The following ZNF746 variants were observed in gnomAD, a reference collection of about 807,000 sequenced individuals.
The protein encoded by ZNF746 is zinc finger protein 746.
In ZNF746, 13 loss-of-function variants were observed where a neutral mutation model predicts 41.0. The ratio of observed to expected loss-of-function variants is 0.32; its 90% CI spans 0.21 to 0.50. ZNF746 has a LOEUF of 0.50. Among genes scored for constraint, ZNF746 ranks in the 20% least tolerant of loss-of-function variants. The pLI is 0.98. For synonymous variants in ZNF746, 424 were observed against 396.2 expected (o/e 1.07, Z -0.83); for missense variants, 811 against 922.9 (o/e 0.88, Z 1.57).
rs775383459 is a variant in ZNF746 at position 149,477,098 on chromosome 7, A to G, written c.758-51T>C. 1.2e-4 allele frequency: 186 copies of G among 1,563,268 alleles called. 1 individual carries two copies. The South Asian group carries it at 2.1e-3, about 18-fold the overall frequency. ...GTGGGTTAGGGGACGGACGGGGAGG[A>G]CAGAAGACTGTTGGGGAGGAGAGCA... On this transcript the variant is annotated intron_variant, in intron 5 of 6. Transcript: ENST00000458143.
Position 149,497,480 on chromosome 7 carries a change from C to A in ZNF746, c.24+33G>T. ...GGCCGGGCCGCCTGGGGCCCCCAGG[C>A]CGCGAGTCCCTGCGCGCGCGGGTCG... On this transcript the variant is annotated intron_variant, in intron 1 of 6. Coordinates refer to ENST00000458143, the MANE Select transcript of ZNF746 (RefSeq NM_001394198.1). This position sits in a 1 kb window ranked among gnomAD's most constrained non-coding sequence, Gnocchi z 4.2. 1 of 1,089,686 alleles carries A rather than the reference C, an allele frequency of 9.2e-7. No individual in the cohort carries two copies. Among genetic ancestry groups the A allele is most frequent in the Non-Finnish European group, 1.1e-6 (1 of 901,834 alleles). 67.5% of individuals were successfully genotyped at this position (1,089,686 alleles called of 1,614,324 possible).
chr7:149,497,197 G>A lies in ZNF746; in HGVS notation c.24+316C>T, dbSNP rs1026524382. The A allele has an allele frequency of 9.1e-6, 9 of 984,596 alleles. No individual in the cohort carries two copies. Among genetic ancestry groups the A allele is most frequent in the African/African-American group, 7.0e-5 (4 of 57,196 alleles). The allele number at this position is 984,596 out of a possible 1,614,324, so 61.0% of individuals were successfully genotyped here. On this transcript the variant is annotated intron_variant, in intron 1 of 6. Transcript: ENST00000458143. The surrounding 1 kb of genome is among the most constrained non-coding windows in gnomAD (Gnocchi z 4.2). ...CCAGGCAGAGAAAGGAGCCGCGGGT[G>A]GGGGGGCACCCAGAAGGAGGGGACA...
rs1434889915 is a variant in ZNF746, at chr7:149,497,612, C to T, written c.-76G>A. 5.0e-6 allele frequency: 5 copies of T among 1,003,938 alleles called. No homozygotes were observed. Among genetic ancestry groups the T allele is most frequent in the East Asian group, 9.5e-5 (1 of 10,530 alleles). 62.2% of individuals were successfully genotyped at this position (1,003,938 alleles called of 1,614,324 possible). ...GCGCGCGGCACCACGCAGGCCCGGCCGCCCGGTGCTCTCCGCAGGCGGCGC... is the reference window on the plus strand; with the variant it reads ...GCGCGCGGCACCACGCAGGCCCGGCTGCCCGGTGCTCTCCGCAGGCGGCGC... On this transcript the variant is annotated 5_prime_UTR_variant, in exon 1 of 7. Coordinates refer to ENST00000458143, the MANE Select transcript of ZNF746 (RefSeq NM_001394198.1). This position sits in a 1 kb window ranked among gnomAD's most constrained non-coding sequence, Gnocchi z 4.2.
At chr7:149,486,381 T>C (rs114166833) in intron 4 of ZNF746, among the ~76,000 whole-genome samples, 1,829 of 149,062 alleles carry the variant, frequency 0.012, 37 homozygotes, top group African/African-American at 0.045. Context: ...TACAGAAGCT[T>C]TTACATATGC....
At chr7:149,476,816 T>C in intron 6 of ZNF746, 106 bp downstream of exon 6, 1 of 1,507,212 alleles carries the variant, frequency 6.6e-7, no homozygotes, top group African/African-American at 1.4e-5. Context: ...CTAATGTCTG[T>C]TGGCTGGAAG....
chr7:149,489,249 AC>A (rs1800721116), intron 4 of ZNF746: 3 of 147,168 alleles, frequency 2.0e-5, no homozygotes, highest in Non-Finnish European at 4.4e-5. Flanking sequence ...ACACACACAC[AC>A]ACACACACAC....
chr7:149,476,910 C>A lies in ZNF746; in HGVS notation c.883+12G>T, dbSNP rs753851377. 4.3e-6 allele frequency: 7 copies of A among 1,613,790 alleles called. No individual in the cohort carries two copies. The highest frequency in any genetic ancestry group is 2.7e-5 in the African/African-American group (2 of 74,932). ...AGCATGGCCCTTCCCTTCCTCCTCT[C>A]GCCACCTGTACCTTCCGTGGAGGCT... On this transcript the variant is annotated intron_variant, in intron 6 of 6. Coordinates refer to ENST00000458143, the MANE Select transcript of ZNF746 (RefSeq NM_001394198.1).
In ZNF746 at chr7:149,483,632, C is replaced by T. The variant is rs551581293; in HGVS notation, c.566-5877G>A. Among the ~76,000 whole-genome samples the T allele has an allele frequency of 4.0e-5, 6 of 150,972 alleles. No individual in the cohort carries two copies. In the South Asian group the frequency reaches 1.3e-3, roughly 32 times the overall value. Reference sequence around the variant, plus strand: ...AAAAATAAAAAAAAAAACAAAAACACAGGTCAAAAATTAATGGGTTAAGCG... The same window carrying T: ...AAAAATAAAAAAAAAAACAAAAACATAGGTCAAAAATTAATGGGTTAAGCG... On this transcript the variant is annotated intron_variant, in intron 4 of 6. Coordinates refer to ENST00000458143, the MANE Select transcript of ZNF746 (RefSeq NM_001394198.1).
Position 149,494,184 on chromosome 7 carries a change from C to A in ZNF746, c.324+20G>T. 2.5e-6 allele frequency: 4 copies of A among 1,613,800 alleles called. No homozygotes were observed. The highest frequency in any genetic ancestry group is 3.4e-6 in the Non-Finnish European group (4 of 1,179,728). Reference sequence around the variant, plus strand: ...GTTTGGCCGCTTGGGCTCCCACACCCCAAGGCGTCCCAGGGCTACCTTAGG... The same window carrying A: ...GTTTGGCCGCTTGGGCTCCCACACCACAAGGCGTCCCAGGGCTACCTTAGG... On this transcript the variant is annotated intron_variant, in intron 2 of 6. Coordinates refer to ENST00000458143, the MANE Select transcript of ZNF746 (RefSeq NM_001394198.1). The surrounding 1 kb of genome is among the most constrained non-coding windows in gnomAD (Gnocchi z 5.6).
At chr7:149,479,960 GA>G (rs536847099) in intron 4 of ZNF746, among the ~76,000 whole-genome samples, 89 of 149,298 alleles carry the variant, frequency 6.0e-4, no homozygotes, top group East Asian at 3.1e-3. Context: ...CCACAGAGGG[GA>G]AAAAAAAAAG....
At chr7:149,484,290 C>A (rs1800561080) in intron 4 of ZNF746, among the ~76,000 whole-genome samples, 1 of 152,016 alleles carries the variant, frequency 6.6e-6, no homozygotes, top group Non-Finnish European at 1.5e-5. Context: ...ATTCAAAAAT[C>A]CTAAACAAAA....
At chr7:149,478,193 A>G (rs1385185962) in intron 4 of ZNF746, among the ~76,000 whole-genome samples, 2 of 151,252 alleles carry the variant, frequency 1.3e-5, no homozygotes, top group African/African-American at 2.4e-5. Flanking sequence ...CACAGAGTCA[A>G]TCACGAGTTA....
intron 4 of ZNF746, among the ~76,000 whole-genome samples, chr7:149,483,019 A>G (rs534850011): frequency 4.6e-5 from 7 of 152,250 alleles, no homozygotes; most frequent in Non-Finnish European, 1.0e-4. Flanking sequence ...GCGTTAAGGA[A>G]AAATGAACAC....
At chr7:149,493,898 T>TATA in intron 3 of ZNF746, 91 bp downstream of exon 3, 2 of 1,601,454 alleles carry the variant, frequency 1.2e-6, no homozygotes, top group Non-Finnish European at 1.7e-6. Context: ...TGGTGATTTA[T>TATA]ATAACACTGA....
At chr7:149,487,612 C>G (rs1361271332) in intron 4 of ZNF746, 2 of 152,008 alleles carry the variant, frequency 1.3e-5, no homozygotes, top group East Asian at 3.9e-4. Flanking sequence ...AAGAAACAAA[C>G]CATTAGACAT....
At position 149,474,843 on chromosome 7, in the gene ZNF746, ACTGCCG is replaced by A. The variant is rs1309060982; in HGVS notation, c.1518_1523del (p.Ser508_Gly509del). 9.9e-6 allele frequency: 14 copies of A among 1,416,936 alleles called. No homozygotes were observed. Among genetic ancestry groups the A allele is most frequent in the African/African-American group, 9.2e-5 (6 of 65,236 alleles). The allele number at this position is 1,416,936 out of a possible 1,614,324, so 87.8% of individuals were successfully genotyped here. On this transcript the variant is annotated inframe_deletion, in exon 7 of 7. Transcript: ENST00000458143. The surrounding 1 kb of genome is among the most constrained non-coding windows in gnomAD (Gnocchi z 6.3). ...CACCGCTGCCGCCACCGCCGCCGCC[ACTGCCG>A]CTGCCGCCACCGCCTGTGCCCGGGC...
At position 149,475,458 on chromosome 7, in the gene ZNF746, T is replaced by C; in HGVS notation, c.909A>G (p.Thr303=). Residue 303 remains threonine, a synonymous_variant, in exon 7 of 7, where the codon ACA becomes ACG. Coordinates refer to ENST00000458143, the MANE Select transcript of ZNF746 (RefSeq NM_001394198.1). Reference sequence around the variant, plus strand: ...CCACCACCTCCTCTTCCTGGACTTCTGTTTTTATTACAATTTTTACATCTG... The same window carrying C: ...CCACCACCTCCTCTTCCTGGACTTCCGTTTTTATTACAATTTTTACATCTG... ...TEADVKIVIK[T]EVQEEEVVAT... The C allele has an allele frequency of 6.2e-7, 1 of 1,612,650 alleles. No homozygotes were observed. Among genetic ancestry groups the C allele is most frequent in the Non-Finnish European group, 8.5e-7 (1 of 1,179,002 alleles).
At chr7:149,486,354 G>A (rs570789987) in intron 4 of ZNF746, among the ~76,000 whole-genome samples, 3 of 110,100 alleles carry the variant, frequency 2.7e-5, no homozygotes, top group Middle Eastern at 5.3e-3. Flanking sequence ...CAGCAGTTCC[G>A]CTCCTGGATC....
At chr7:149,478,884 C>CA (rs1347666190) in intron 4 of ZNF746, among the ~76,000 whole-genome samples, 1 of 152,136 alleles carries the variant, frequency 6.6e-6, no homozygotes, top group African/African-American at 2.4e-5. Flanking sequence ...ATGAAAAACT[C>CA]AAATGGATGG....
Sources: allele counts gnomAD v4.1 joint callset (sites outside exome capture counted in the v4.1 genomes callset), GRCh38; gene constraint gnomAD v4.1.1; non-coding constraint Gnocchi (gnomAD v3.1); transcripts MANE v1.5; gene names NCBI Gene and HGNC (gene_info 2026-07-23, HGNC 2026-07-21).